ZFAND3: variants seen among roughly 807,000 people sequenced by gnomAD.
ZFAND3 encodes AN1-type zinc finger protein 3.
In ZFAND3, 10 loss-of-function variants were observed where a neutral mutation model predicts 29.6. The observed-to-expected ratio is 0.34, with a 90% CI of 0.21 to 0.57. The LOEUF (loss-of-function observed/expected upper bound fraction) is 0.57, where lower values mean the gene tolerates loss of function less well. ZFAND3 is among the 20% of genes least tolerant of loss of function. ZFAND3 has a pLI of 0.86. For synonymous variants in ZFAND3, 128 were observed against 112.6 expected (o/e 1.14, Z -0.87); for missense variants, 230 against 304.5 (o/e 0.76, Z 1.82).
intron 1 of ZFAND3, among the ~76,000 whole-genome samples, chr6:37,907,481 A>G (rs1040636022): frequency 6.6e-6 from 1 of 152,178 alleles, no homozygotes; most frequent in Non-Finnish European, 1.5e-5. Flanking sequence ...ATGGAATCAT[A>G]ATGTATAGTC....
chr6:37,862,694 A>AC, intron 1 of ZFAND3, among the ~76,000 whole-genome samples: 1 of 151,590 alleles, frequency 6.6e-6, no homozygotes, highest in Admixed American at 6.6e-5. Context: ...ACAGAGCGAG[A>AC]TCCTGTCTCT....
At chr6:38,069,065 A>T (rs897149676) in intron 3 of ZFAND3, among the ~76,000 whole-genome samples, 1 of 152,154 alleles carries the variant, frequency 6.6e-6, no homozygotes, top group African/African-American at 2.4e-5. Flanking sequence ...GACAAGCCTT[A>T]ATCTGTTCCC....
intron 1 of ZFAND3, among the ~76,000 whole-genome samples, chr6:37,925,078 T>C (rs989658819): frequency 3.9e-5 from 6 of 152,088 alleles, no homozygotes; most frequent in African/African-American, 1.4e-4. Context: ...TTCCAGACTT[T>C]TTTTTTTAAA....
intron 2 of ZFAND3, among the ~76,000 whole-genome samples, chr6:37,981,043 G>A (rs990267701): frequency 2.6e-5 from 4 of 152,196 alleles, no homozygotes; most frequent in Non-Finnish European, 4.4e-5. Context: ...GGAGAACATA[G>A]CAAGGAGCAG....
chr6:37,927,971 A>G (rs536392305), intron 1 of ZFAND3, among the ~76,000 whole-genome samples: 1 of 152,342 alleles, frequency 6.6e-6, no homozygotes, highest in South Asian at 2.1e-4. Flanking sequence ...GGTTGAAGGT[A>G]TCTGGTATTG....
chr6:37,976,434 A>G lies in ZFAND3; in HGVS notation c.112+46435A>G, dbSNP rs114031203. 3.7e-3 allele frequency among the ~76,000 whole-genome samples: 559 copies of G among 152,000 alleles called. 1 individual carries two copies. Among genetic ancestry groups the G allele is most frequent in the Middle Eastern group, 6.8e-3 (2 of 294 alleles). Reference sequence around the variant, plus strand: ...CTGTCTCTACCAAAAAAAGACAAAAATTATCTGGGAATGGTGGCACACACC... The same window carrying G: ...CTGTCTCTACCAAAAAAAGACAAAAGTTATCTGGGAATGGTGGCACACACC... On this transcript the variant is annotated intron_variant, in intron 2 of 5. Transcript: ENST00000287218.
rs1356819057 is a variant in ZFAND3, at chr6:38,153,375, G to A, written c.*986G>A. On this transcript the variant is annotated 3_prime_UTR_variant, in exon 6 of 6. Coordinates refer to ENST00000287218, the MANE Select transcript of ZFAND3 (RefSeq NM_021943.3). Reference sequence around the variant, plus strand: ...CTGCCCCTTCCAGCTGGAGCCGCCCGTGCCTCCAGGGGCCAAGAGGATGAT... The same window carrying A: ...CTGCCCCTTCCAGCTGGAGCCGCCCATGCCTCCAGGGGCCAAGAGGATGAT... The A allele has an allele frequency of 6.1e-6, 6 of 985,400 alleles. No homozygotes were observed. The highest frequency in any genetic ancestry group is 7.2e-6 in the Non-Finnish European group (6 of 829,972). 61.0% of individuals were successfully genotyped at this position (985,400 alleles called of 1,614,324 possible). A position where few individuals can be genotyped will look rare whatever the true frequency, so the allele number is the denominator to read the frequency against.
In ZFAND3 at chr6:37,916,530, C is replaced by G. The variant is rs184540273; in HGVS notation, c.72-13429C>G. ...AAAAAATTAGCTGGGCGTGGTGGCA[C>G]GTGCCTGTAATCCCAGCTACTCAGG... On this transcript the variant is annotated intron_variant, in intron 1 of 5. Transcript: ENST00000287218. 5.4e-3 allele frequency among the ~76,000 whole-genome samples: 823 copies of G among 152,066 alleles called. 17 individuals are homozygous for G. The highest frequency in any genetic ancestry group is 0.036 in the East Asian group (186 of 5,166).
intron 5 of ZFAND3, among the ~76,000 whole-genome samples, chr6:38,118,453 C>T (rs1161930612): frequency 6.6e-6 from 1 of 152,080 alleles, no homozygotes; most frequent in Non-Finnish European, 1.5e-5. Flanking sequence ...GCTTTTGTAA[C>T]GTAGGCTTTT....
intron 2 of ZFAND3, 110 bp from the exon 3 acceptor site, chr6:38,061,483 G>C (rs192910642): frequency 1.6e-4 from 216 of 1,310,102 alleles, no homozygotes; most frequent in Non-Finnish European, 8.3e-6. Context: ...ACCCAGATCA[G>C]TCTTTATTAT....
At chr6:37,945,505 C>T (rs532055117) in intron 2 of ZFAND3, among the ~76,000 whole-genome samples, 1 of 152,176 alleles carries the variant, frequency 6.6e-6, no homozygotes, top group African/African-American at 2.4e-5. Flanking sequence ...AAACAGTTCT[C>T]CTGCTTCAGC....
At chr6:37,880,906 A>G (rs1764880968) in intron 1 of ZFAND3, among the ~76,000 whole-genome samples, 1 of 150,400 alleles carries the variant, frequency 6.6e-6, no homozygotes, top group Admixed American at 6.6e-5. Context: ...GATATACCTA[A>G]TGATAGATGA....
intron 2 of ZFAND3, among the ~76,000 whole-genome samples, chr6:38,031,900 T>G (rs115096373): frequency 0.021 from 3,013 of 141,358 alleles, 95 homozygotes; most frequent in African/African-American, 0.073. Context: ...GGTGTCATCA[T>G]AGCTCACTGC....
At chr6:38,135,609 G>T (rs1221728547) in intron 5 of ZFAND3, among the ~76,000 whole-genome samples, 1 of 152,192 alleles carries the variant, frequency 6.6e-6, no homozygotes, top group Non-Finnish European at 1.5e-5. Context: ...GCCAGGTGTG[G>T]TGGCGTGCGC....
intron 5 of ZFAND3, among the ~76,000 whole-genome samples, chr6:38,124,313 C>T (rs1025098680): frequency 4.2e-4 from 64 of 152,366 alleles, no homozygotes; most frequent in African/African-American, 1.4e-3. Flanking sequence ...CTGCCAGTCC[C>T]GCGCCATGCG....
At chr6:37,958,639 T>C (rs1482028026) in intron 2 of ZFAND3, among the ~76,000 whole-genome samples, 1 of 152,054 alleles carries the variant, frequency 6.6e-6, no homozygotes, top group African/African-American at 2.4e-5. Context: ...TGGAACTACA[T>C]AGTCATAGCA....
intron 2 of ZFAND3, among the ~76,000 whole-genome samples, chr6:37,959,456 T>G (rs1762156937): frequency 6.6e-6 from 1 of 152,228 alleles, no homozygotes; most frequent in African/African-American, 2.4e-5. Context: ...ACTTAATTTT[T>G]TTTAGAGCCT....
At chr6:37,988,548 T>A (rs71569398) in intron 2 of ZFAND3, among the ~76,000 whole-genome samples, 4,887 of 152,322 alleles carry the variant, frequency 0.032, 91 homozygotes, top group Middle Eastern at 0.041. Flanking sequence ...AAAGCTTCTG[T>A]TTATAAGCTT....
intron 4 of ZFAND3, among the ~76,000 whole-genome samples, chr6:38,114,241 A>T (rs1319647284): frequency 6.6e-6 from 1 of 152,264 alleles, no homozygotes; most frequent in Non-Finnish European, 1.5e-5. Flanking sequence ...ATTGATACAA[A>T]TAGAGCCATT....
Sources: allele counts gnomAD v4.1 joint callset (sites outside exome capture counted in the v4.1 genomes callset), GRCh38; gene constraint gnomAD v4.1.1; transcripts MANE v1.5; gene names NCBI Gene and HGNC (gene_info 2026-07-23, HGNC 2026-07-21).